The following TMEM244 variants were observed in gnomAD, a reference collection of about 807,000 sequenced individuals.
TMEM244 encodes transmembrane protein 244, also known as putative transmembrane protein 244.
TMEM244 carries 13 observed loss-of-function variants against 15.8 expected under a neutral mutation model. The observed-to-expected ratio is 0.82, with a 90% confidence interval of 0.53 to 1.30. The LOEUF is 1.30. Ranked by LOEUF, TMEM244 falls within the 50% of genes most tolerant of loss-of-function variation. TMEM244 has a pLI of 0.00. For missense variants in TMEM244, 161 were observed against 144.9 expected (o/e 1.11, Z -0.57); for synonymous variants, 45 against 48.7 (o/e 0.92, Z 0.32).
At chr6:129,851,695 TATA>T (rs1377097660) in intron 1 of TMEM244, among the ~76,000 whole-genome samples, 9 of 152,196 alleles carry the variant, frequency 5.9e-5, no homozygotes, top group African/African-American at 2.2e-4. Context: ...GGAAAATAAT[TATA>T]TTGAATTAAC....
chr6:129,833,411 C>T (rs1207424615), intron 4 of TMEM244, 49 bp downstream of exon 4: 1 of 1,579,488 alleles, frequency 6.3e-7, no homozygotes, highest in Non-Finnish European at 8.6e-7. Context: ...TTATGTCCAA[C>T]ATCTGTTTTA....
At chr6:129,843,229 G>A (rs1776515251) in intron 3 of TMEM244, among the ~76,000 whole-genome samples, 1 of 151,918 alleles carries the variant, frequency 6.6e-6, no homozygotes, top group Non-Finnish European at 1.5e-5. Context: ...AGCACATTAA[G>A]TCATTATTCT....
At chr6:129,849,881 A>G (rs967076035) in intron 1 of TMEM244, among the ~76,000 whole-genome samples, 1 of 152,136 alleles carries the variant, frequency 6.6e-6, no homozygotes, top group Non-Finnish European at 1.5e-5. Flanking sequence ...GTGTGTGTGT[A>G]TGTGTGCCTC....
At chr6:129,833,385 C>T in intron 4 of TMEM244, 75 bp downstream of exon 4, 2 of 1,480,376 alleles carry the variant, frequency 1.4e-6, no homozygotes, top group South Asian at 2.8e-5. Context: ...CAACAAAGTT[C>T]TACTCAGGAA....
intron 1 of TMEM244, 147 bp downstream of exon 1, chr6:129,861,009 C>T: frequency 1.3e-6 from 1 of 764,462 alleles, no homozygotes; most frequent in Non-Finnish European, 2.1e-6. Context: ...AAGATGCAAG[C>T]CGTGCAGCAG....
At chr6:129,844,877 G>A (rs544854225) in intron 2 of TMEM244, among the ~76,000 whole-genome samples, 2 of 152,200 alleles carry the variant, frequency 1.3e-5, no homozygotes, top group South Asian at 2.1e-4. Context: ...GTATTAATTC[G>A]CATATTGAAA....
At chr6:129,835,984 G>A (rs1159621502) in intron 3 of TMEM244, among the ~76,000 whole-genome samples, 1 of 152,186 alleles carries the variant, frequency 6.6e-6, no homozygotes, top group East Asian at 1.9e-4. Flanking sequence ...TTGGGGTAGG[G>A]CATAGTAGAA....
In TMEM244 at chr6:129,861,194, C is replaced by T. The variant is rs1776804126; in HGVS notation, c.-6G>A. 2.5e-6 allele frequency: 4 copies of T among 1,613,510 alleles called. No individual in the cohort carries two copies. ...ACTCTGACCTGGAGAGCCATGTACA[C>T]ATCCTACGTCAAGGAGGTGATGAAA... On this transcript the variant is annotated 5_prime_UTR_variant, in exon 1 of 5. The change creates a new upstream start codon in the 5' untranslated region. Transcript: ENST00000368143.
intron 3 of TMEM244, among the ~76,000 whole-genome samples, chr6:129,843,056 G>A (rs1471433386): frequency 6.6e-6 from 1 of 151,988 alleles, no homozygotes; most frequent in Non-Finnish European, 1.5e-5. Context: ...AAAGTTCTCT[G>A]TCATCCCAGA....
rs1776806025 is a variant in TMEM244, at chr6:129,861,254, G to T, written c.-66C>A. 2.5e-6 allele frequency: 4 copies of T among 1,570,220 alleles called. No individual in the cohort carries two copies. In the South Asian group the frequency reaches 4.5e-5, roughly 18 times the overall value. Reference sequence around the variant, plus strand: ...CTTATAGCGATGACATCTGGAAGAAGACACAATTGTCACCGTGAGCTTTTC... The same window carrying T: ...CTTATAGCGATGACATCTGGAAGAATACACAATTGTCACCGTGAGCTTTTC... On this transcript the variant is annotated 5_prime_UTR_variant, in exon 1 of 5. Coordinates refer to ENST00000368143, the MANE Select transcript of TMEM244 (RefSeq NM_001010876.2).
chr6:129,841,190 T>C (rs1776484764), intron 3 of TMEM244, among the ~76,000 whole-genome samples: 1 of 152,130 alleles, frequency 6.6e-6, no homozygotes, highest in African/African-American at 2.4e-5. Context: ...CCATCAATAA[T>C]AGACTGGATT....
At chr6:129,835,135 C>T (rs1052786387) in intron 3 of TMEM244, among the ~76,000 whole-genome samples, 8 of 152,164 alleles carry the variant, frequency 5.3e-5, no homozygotes, top group African/African-American at 1.9e-4. Context: ...GTGGTTCACA[C>T]CTGTAATTCC....
At chr6:129,854,670 A>G (rs146971586) in intron 1 of TMEM244, among the ~76,000 whole-genome samples, 2 of 152,204 alleles carry the variant, frequency 1.3e-5, no homozygotes, top group Non-Finnish European at 2.9e-5. Flanking sequence ...GTACAATTGT[A>G]TATAAAATGT....
At chr6:129,860,248 T>C (rs1470469221) in intron 1 of TMEM244, among the ~76,000 whole-genome samples, 1 of 152,086 alleles carries the variant, frequency 6.6e-6, no homozygotes, top group African/African-American at 2.4e-5. Flanking sequence ...TTTTTATCTC[T>C]TCAGCAGAAG....
intron 1 of TMEM244, among the ~76,000 whole-genome samples, chr6:129,857,988 C>T (rs1381138289): frequency 1.3e-5 from 2 of 151,830 alleles, no homozygotes; most frequent in African/African-American, 4.8e-5. Context: ...TGAAGATGGT[C>T]ATATGATTTT....
At chr6:129,859,274 A>T (rs1360231870) in intron 1 of TMEM244, among the ~76,000 whole-genome samples, 1 of 152,212 alleles carries the variant, frequency 6.6e-6, no homozygotes, top group Non-Finnish European at 1.5e-5. Context: ...AATTCTTAAC[A>T]TTAAGTACTG....
intron 1 of TMEM244, among the ~76,000 whole-genome samples, chr6:129,853,357 C>T (rs951230564): frequency 1.3e-5 from 2 of 152,120 alleles, no homozygotes; most frequent in African/African-American, 2.4e-5. Flanking sequence ...AAGAAGTTCC[C>T]CTGACTTCTT....
intron 3 of TMEM244, among the ~76,000 whole-genome samples, chr6:129,839,607 C>A (rs374051258): frequency 2.6e-5 from 4 of 151,984 alleles, no homozygotes; most frequent in African/African-American, 7.2e-5. Context: ...AGAAATAAAG[C>A]GTATTCAATT....
chr6:129,850,551 C>T (rs1428368116), intron 1 of TMEM244, among the ~76,000 whole-genome samples: 1 of 152,174 alleles, frequency 6.6e-6, no homozygotes, highest in Admixed American at 6.5e-5. Flanking sequence ...GGAGCAGGAT[C>T]AGTTCTAAAT....
Sources: allele counts gnomAD v4.1 joint callset (sites outside exome capture counted in the v4.1 genomes callset), GRCh38; gene constraint gnomAD v4.1.1; transcripts MANE v1.5; gene names NCBI Gene and HGNC (gene_info 2026-07-23, HGNC 2026-07-21).